The following GLIS3 variants were observed in gnomAD, a reference collection of about 807,000 sequenced individuals.
GLIS3 encodes the protein zinc finger protein GLIS3.
A neutral mutation model predicts 78.6 loss-of-function variants in GLIS3; 53 were observed. The ratio of observed to expected loss-of-function variants is 0.67; its 90% CI spans 0.54 to 0.85. GLIS3 has a LOEUF of 0.85. Ranked by LOEUF, GLIS3 falls within the 40% of genes least tolerant of loss-of-function variation. The pLI is 0.00. For missense variants in GLIS3, 1,703 were observed against 1,231.1 expected (o/e 1.38, Z -5.74); for synonymous variants, 684 against 509.9 (o/e 1.34, Z -4.60).
At chr9:4,262,276 T>G (rs1169547385) in intron 2 of GLIS3, among the ~76,000 whole-genome samples, 1 of 152,074 alleles carries the variant, frequency 6.6e-6, no homozygotes, top group African/African-American at 2.4e-5. Context: ...AAATCCTCAT[T>G]TGAGAGAAAC....
intron 4 of GLIS3, among the ~76,000 whole-genome samples, chr9:4,029,012 C>T (rs1214971094): frequency 6.6e-6 from 1 of 151,978 alleles, no homozygotes; most frequent in Non-Finnish European, 1.5e-5. Context: ...AGACATACTA[C>T]TCCAAGATGA....
chr9:3,843,988 A>G (rs1478148556), intron 9 of GLIS3, among the ~76,000 whole-genome samples: 1 of 152,226 alleles, frequency 6.6e-6, no homozygotes, highest in African/African-American at 2.4e-5. Context: ...AGAATGACAT[A>G]AAGAGTTTAG....
chr9:4,224,811 T>A (rs1402998125), intron 2 of GLIS3, among the ~76,000 whole-genome samples: 1 of 151,846 alleles, frequency 6.6e-6, no homozygotes, highest in Non-Finnish European at 1.5e-5. Context: ...TTTACTGACA[T>A]CAATGTTGAA....
intron 2 of GLIS3, among the ~76,000 whole-genome samples, chr9:4,203,842 G>A (rs1484087952): frequency 6.6e-6 from 1 of 152,170 alleles, no homozygotes; most frequent in Non-Finnish European, 1.5e-5. Flanking sequence ...TATCCTAAGT[G>A]AATTAACACA....
At chr9:4,318,646 T>C (rs1459560158) in intron 2 of GLIS3, among the ~76,000 whole-genome samples, 1 of 151,988 alleles carries the variant, frequency 6.6e-6, no homozygotes, top group Non-Finnish European at 1.5e-5. Context: ...TATAAATAAG[T>C]AAATAATGGG....
intron 6 of GLIS3, among the ~76,000 whole-genome samples, chr9:3,909,521 T>G (rs1823986869): frequency 6.6e-6 from 1 of 152,164 alleles, no homozygotes; most frequent in Non-Finnish European, 1.5e-5. Flanking sequence ...CAGTTGGGTG[T>G]TCTGAACATC....
chr9:4,052,600 G>A (rs1407200806), intron 4 of GLIS3, among the ~76,000 whole-genome samples: 1 of 152,118 alleles, frequency 6.6e-6, no homozygotes, highest in Non-Finnish European at 1.5e-5. Context: ...GTGGCCTTTT[G>A]TGCCTAGCTT....
At chr9:4,041,633 G>A (rs1035722379) in intron 4 of GLIS3, among the ~76,000 whole-genome samples, 1 of 152,104 alleles carries the variant, frequency 6.6e-6, no homozygotes, top group Non-Finnish European at 1.5e-5. Flanking sequence ...TGCTCTGTGA[G>A]ACAAAGTAAC....
intron 2 of GLIS3, among the ~76,000 whole-genome samples, chr9:4,181,588 T>G (rs1289435453): frequency 2.6e-5 from 4 of 152,240 alleles, no homozygotes; most frequent in Admixed American, 6.5e-5. Flanking sequence ...TTATAGAAGC[T>G]AAAAGTACTG....
the GLIS3 span, among the ~76,000 whole-genome samples, chr9:4,392,239 G>A: frequency 0.068 from 10,353 of 151,472 alleles, 494 homozygotes; most frequent in South Asian, 0.12. Flanking sequence ...AGGGCCTGTC[G>A]TGGGGCGGGG....
rs574752468 is a variant in GLIS3 at position 3,997,022 on chromosome 9, T to A, written c.1711-59833A>T. On this transcript the variant is annotated intron_variant, in intron 4 of 10. Transcript: ENST00000381971. ...CACTAAAACTATTGAATCCGAAATT[T>A]AAAATCTTCCTACATGGCCTAGACA... 7.2e-4 allele frequency among the ~76,000 whole-genome samples: 109 copies of A among 152,326 alleles called. 1 individual carries two copies. Among genetic ancestry groups the A allele is most frequent in the African/African-American group, 2.3e-3 (96 of 41,576 alleles).
chr9:4,154,917 C>T (rs10116571), intron 2 of GLIS3, among the ~76,000 whole-genome samples: 29,100 of 151,934 alleles, frequency 0.19, 3,200 homozygotes, highest in African/African-American at 0.29. Flanking sequence ...GTACACTTTC[C>T]GTATACATAA....
chr9:3,841,916 C>T (rs573633295), intron 9 of GLIS3, among the ~76,000 whole-genome samples: 1 of 152,320 alleles, frequency 6.6e-6, no homozygotes, highest in African/African-American at 2.4e-5. Context: ...ATGGTTCTAT[C>T]AGTCATTTTC....
chr9:4,155,566 T>C (rs147094905), intron 2 of GLIS3, among the ~76,000 whole-genome samples: 10 of 152,308 alleles, frequency 6.6e-5, no homozygotes, highest in African/African-American at 2.4e-4. Context: ...TAGCAATAAT[T>C]TGCACTCACA....
intron 4 of GLIS3, chr9:4,305,701 G>A (rs913968946): frequency 1.3e-5 from 2 of 152,186 alleles, no homozygotes; most frequent in East Asian, 1.9e-4. Flanking sequence ...GAGGAAGGTA[G>A]CTTCTCTTCT....
intron 4 of GLIS3, among the ~76,000 whole-genome samples, chr9:4,032,304 G>A (rs1480379133): frequency 6.6e-6 from 1 of 152,108 alleles, no homozygotes; most frequent in Non-Finnish European, 1.5e-5. Flanking sequence ...TCTTAGAATT[G>A]GCTCTAAAAT....
chr9:4,037,961 A>G (rs1489592544), intron 4 of GLIS3, among the ~76,000 whole-genome samples: 2 of 151,908 alleles, frequency 1.3e-5, no homozygotes, highest in Admixed American at 1.3e-4. Flanking sequence ...AAAGGAAAAA[A>G]AAAATCACTT....
chr9:4,021,084 C>A (rs947416362), intron 4 of GLIS3, among the ~76,000 whole-genome samples: 1 of 152,188 alleles, frequency 6.6e-6, no homozygotes, highest in Non-Finnish European at 1.5e-5. Flanking sequence ...CTCAGAAAGT[C>A]TCTGAAACTG....
chr9:4,363,242 G>A, the GLIS3 span, among the ~76,000 whole-genome samples: 1 of 152,150 alleles, frequency 6.6e-6, no homozygotes, highest in Non-Finnish European at 1.5e-5. Context: ...GGCCAACATG[G>A]TAAAACCCCG....
Sources: allele counts gnomAD v4.1 joint callset (sites outside exome capture counted in the v4.1 genomes callset), GRCh38; gene constraint gnomAD v4.1.1; transcripts MANE v1.5; gene names NCBI Gene and HGNC (gene_info 2026-07-23, HGNC 2026-07-21).